ADIPOR2: variants seen among roughly 807,000 people sequenced by gnomAD.
ADIPOR2 encodes adiponectin receptor 2.
In ADIPOR2, 18 loss-of-function variants were observed where a neutral mutation model predicts 40.9. The ratio of observed to expected loss-of-function variants is 0.44; its 90% CI spans 0.30 to 0.65. The LOEUF (loss-of-function observed/expected upper bound fraction) is 0.65, where lower values mean the gene tolerates loss of function less well. ADIPOR2 is among the 30% of genes least tolerant of loss of function. The pLI, the probability that ADIPOR2 is intolerant of heterozygous loss-of-function variation, is 0.09. For synonymous variants in ADIPOR2, 165 were observed against 166.4 expected (o/e 0.99, Z 0.06); for missense variants, 283 against 479.2 (o/e 0.59, Z 3.82).
chr12:1,727,611 C>T (rs537239663), intron 1 of ADIPOR2, among the ~76,000 whole-genome samples: 1 of 152,246 alleles, frequency 6.6e-6, no homozygotes, highest in South Asian at 2.1e-4. Flanking sequence ...TCTCCCAGAG[C>T]AGCAGTACCT....
intron 2 of ADIPOR2, among the ~76,000 whole-genome samples, chr12:1,756,466 T>TA (rs1414269512): frequency 3.3e-5 from 5 of 151,352 alleles, no homozygotes. Context: ...TTTTTTTTTT[T>TA]TTTTTAAAGG....
intron 1 of ADIPOR2, among the ~76,000 whole-genome samples, chr12:1,693,079 C>T (rs574120129): frequency 6.6e-6 from 1 of 152,128 alleles, no homozygotes; most frequent in South Asian, 2.1e-4. Context: ...CGTTTAAACC[C>T]GGGAGGTAGA....
intron 1 of ADIPOR2, among the ~76,000 whole-genome samples, chr12:1,740,656 A>C (rs1021720030): frequency 6.6e-6 from 1 of 152,218 alleles, no homozygotes. Context: ...TAGAAACTTC[A>C]TTTGTTTACA....
intron 1 of ADIPOR2, among the ~76,000 whole-genome samples, chr12:1,693,167 G>A (rs1224943466): frequency 6.6e-6 from 1 of 152,052 alleles, no homozygotes; most frequent in Non-Finnish European, 1.5e-5. Flanking sequence ...AAAAAAAGAG[G>A]AAGAAAAAAG....
chr12:1,739,428 G>A (rs888140449), intron 1 of ADIPOR2, among the ~76,000 whole-genome samples: 7 of 152,200 alleles, frequency 4.6e-5, no homozygotes, highest in African/African-American at 1.4e-4. Context: ...ACTATAGCTA[G>A]CCCCTGGGTA....
chr12:1,749,031 C>G (rs1023807648), intron 1 of ADIPOR2, among the ~76,000 whole-genome samples: 2 of 152,180 alleles, frequency 1.3e-5, no homozygotes, highest in African/African-American at 4.8e-5. Context: ...CCCATGGCCC[C>G]CTCTTTGGGT....
At chr12:1,743,156 C>T (rs1197521357) in intron 1 of ADIPOR2, among the ~76,000 whole-genome samples, 1 of 145,676 alleles carries the variant, frequency 6.9e-6, no homozygotes, top group African/African-American at 2.5e-5. Flanking sequence ...TTTTGAGAGG[C>T]CAAGGCTGGA....
chr12:1,774,705 T>C (rs1377915787), intron 3 of ADIPOR2, among the ~76,000 whole-genome samples: 1 of 152,192 alleles, frequency 6.6e-6, no homozygotes, highest in Non-Finnish European at 1.5e-5. Flanking sequence ...GGGAGTTTAT[T>C]TGTTTTTGAA....
intron 1 of ADIPOR2, among the ~76,000 whole-genome samples, chr12:1,701,587 C>T (rs761863973): frequency 9.9e-5 from 15 of 152,038 alleles, no homozygotes; most frequent in Admixed American, 2.0e-4. Context: ...ACTGCTGATA[C>T]GTTACCATTT....
At chr12:1,725,751 A>G (rs1476573007) in intron 1 of ADIPOR2, among the ~76,000 whole-genome samples, 1 of 152,244 alleles carries the variant, frequency 6.6e-6, no homozygotes, top group Non-Finnish European at 1.5e-5. Flanking sequence ...TCCATATAAT[A>G]CAAATACACA....
chr12:1,738,711 C>G (rs1012786880), intron 1 of ADIPOR2, among the ~76,000 whole-genome samples: 2 of 152,196 alleles, frequency 1.3e-5, no homozygotes, highest in Non-Finnish European at 2.9e-5. Flanking sequence ...ACTATCTTGT[C>G]AGCCTCACAC....
intron 1 of ADIPOR2, among the ~76,000 whole-genome samples, chr12:1,709,962 G>A (rs1175130520): frequency 6.6e-6 from 1 of 152,200 alleles, no homozygotes; most frequent in African/African-American, 2.4e-5. Flanking sequence ...GTCTTTGATA[G>A]TATTTCTGTT....
rs557211159 is a variant in ADIPOR2, at chr12:1,734,921, G to A, written c.-86-19337G>A. Among the ~76,000 whole-genome samples the A allele has an allele frequency of 1.9e-4, 29 of 152,132 alleles. No homozygotes were observed. In the South Asian group the frequency reaches 4.4e-3, roughly 23 times the overall value. ...AAAGATCAGATAGTTGTAGATATGC[G>A]GCACTATTTCTGAGGGCTCTGTTCT... is the stretch of plus-strand genomic sequence containing the variant. On this transcript the variant is annotated intron_variant, in intron 1 of 7. Transcript: ENST00000357103.
At chr12:1,767,930 T>A (rs1862418529) in intron 2 of ADIPOR2, among the ~76,000 whole-genome samples, 1 of 152,040 alleles carries the variant, frequency 6.6e-6, no homozygotes, top group Admixed American at 6.5e-5. Flanking sequence ...GTTAAATGAA[T>A]TTTTGAGAAA....
At position 1,784,005 on chromosome 12, in the gene ADIPOR2, A is replaced by G. The variant is rs1862779291; in HGVS notation, c.964A>G (p.Ile322Val). ...GWLMLMASLY[I>V]TGAALYAARI... ...GTTGATGCTGATGGCCAGCCTCTAC[A>G]TCACAGGAGCTGCCCTGTATGCTGC... Residue 322 changes from isoleucine (I) to valine (V), a missense_variant, in exon 7 of 8, where the codon ATC (isoleucine) becomes GTC (valine). By Grantham distance (29) the Ile-to-Val change is conservative (BLOSUM62 3). Coordinates refer to ENST00000357103, the MANE Select transcript of ADIPOR2 (RefSeq NM_024551.3). 1 of 1,613,822 alleles carries G rather than the reference A, an allele frequency of 6.2e-7. No homozygotes were observed. The highest frequency in any genetic ancestry group is 1.6e-4 in the Middle Eastern group (1 of 6,062).
chr12:1,730,405 C>G (rs2094717401), intron 1 of ADIPOR2, among the ~76,000 whole-genome samples: 1 of 151,676 alleles, frequency 6.6e-6, no homozygotes, highest in African/African-American at 2.4e-5. Context: ...ATCATGAGGT[C>G]AGGAGATCGA....
intron 1 of ADIPOR2, among the ~76,000 whole-genome samples, chr12:1,723,191 A>G (rs950010099): frequency 1.3e-5 from 2 of 152,210 alleles, no homozygotes; most frequent in African/African-American, 2.4e-5. Context: ...GAACCTGTCA[A>G]AGCTATCTAT....
At chr12:1,758,554 C>T (rs1862197951) in intron 2 of ADIPOR2, among the ~76,000 whole-genome samples, 1 of 152,122 alleles carries the variant, frequency 6.6e-6, no homozygotes, top group South Asian at 2.1e-4. Context: ...AATCTATATG[C>T]AGTACTGTCC....
chr12:1,759,455 G>T, intron 2 of ADIPOR2, among the ~76,000 whole-genome samples: 1 of 152,146 alleles, frequency 6.6e-6, no homozygotes, highest in Admixed American at 6.5e-5. Context: ...AGCAGCAGGG[G>T]TGTCTCGTTT....
Sources: gnomAD v4.1 joint callset for allele counts (sites outside exome capture counted in the v4.1 genomes callset) on GRCh38, gnomAD v4.1.1 for gene constraint, MANE v1.5 for transcripts, NCBI Gene and HGNC (gene_info 2026-07-23, HGNC 2026-07-21) for gene names.